HPGD: variants seen among roughly 807,000 people sequenced by gnomAD.
The protein encoded by HPGD is 15-hydroxyprostaglandin dehydrogenase [NAD(+)].
Under a neutral mutation model 30.0 loss-of-function variants are expected in HPGD, and 29 were observed. The ratio of observed to expected loss-of-function variants is 0.97; its 90% CI spans 0.72 to 1.32. The LOEUF is 1.32. HPGD is among the 40% of genes most tolerant of loss of function. HPGD has a pLI of 0.00. For missense variants in HPGD, 340 were observed against 322.1 expected (o/e 1.06, Z -0.43); for synonymous variants, 99 against 112.4 (o/e 0.88, Z 0.75).
In HPGD at chr4:174,492,346, A is replaced by T. The variant is rs1281068871; in HGVS notation, c.663-252T>A. Among the ~76,000 whole-genome samples the T allele has an allele frequency of 2.0e-5, 3 of 151,936 alleles. No homozygotes were observed. Among genetic ancestry groups the T allele is most frequent in the Non-Finnish European group, 2.9e-5 (2 of 67,858 alleles). On this transcript the variant is annotated intron_variant, in intron 6 of 6. Coordinates refer to ENST00000296522, the MANE Select transcript of HPGD (RefSeq NM_000860.6). The surrounding 1 kb of genome is among the most constrained non-coding windows in gnomAD (Gnocchi z 4.9). ...TAAATTATTTGATAAATTTAGCTGT[A>T]ACCTTCCATCATTTTGGCAGGAGGA...
At chr4:174,511,868 A>C (rs1459273910) in intron 3 of HPGD, among the ~76,000 whole-genome samples, 1 of 152,034 alleles carries the variant, frequency 6.6e-6, no homozygotes, top group Admixed American at 6.6e-5. Context: ...GGATGGTCTC[A>C]ATCTCCTGAC....
chr4:174,522,704 A>C (rs1399863893), upstream of HPGD: 2 of 433,330 alleles, frequency 4.6e-6, no homozygotes, highest in Non-Finnish European at 8.1e-6. Flanking sequence ...GCCTCCCCTC[A>C]GCCTCTGGCT....
intron 4 of HPGD, among the ~76,000 whole-genome samples, chr4:174,497,568 CTTTTTTTTTTTTTTTTTTTTTTTTTT>C (rs778825547): frequency 2.0e-5 from 1 of 51,116 alleles, no homozygotes; most frequent in African/African-American, 6.7e-5. Context: ...CTTTTTCTTT[CTTTTTTTTTTTTTTTTTTTTTTTTTT>C]TTGAGACAGA....
chr4:174,500,667 A>C (rs1734856436), intron 4 of HPGD, among the ~76,000 whole-genome samples: 1 of 152,254 alleles, frequency 6.6e-6, no homozygotes, highest in Admixed American at 6.5e-5. Flanking sequence ...GTATGATTCC[A>C]ACTATATGAC....
At chr4:174,510,423 G>C (rs1735427096) in intron 3 of HPGD, among the ~76,000 whole-genome samples, 1 of 152,218 alleles carries the variant, frequency 6.6e-6, no homozygotes, top group African/African-American at 2.4e-5. Context: ...TTCTGCAGAA[G>C]GCTTCAGCAT....
rs1734380163 is a variant in HPGD, at chr4:174,492,323, A to T, written c.663-229T>A. On this transcript the variant is annotated intron_variant, in intron 6 of 6. Transcript: ENST00000296522. This position sits in a 1 kb window ranked among gnomAD's most constrained non-coding sequence, Gnocchi z 4.9. ...ATTTCTTTCAATTGGATATTAACTA[A>T]ATTATTTGATAAATTTAGCTGTAAC... is the stretch of plus-strand genomic sequence containing the variant. Among the ~76,000 whole-genome samples the T allele has an allele frequency of 4.6e-5, 7 of 151,898 alleles. No homozygotes were observed. Among genetic ancestry groups the T allele is most frequent in the Admixed American group, 4.6e-4 (7 of 15,230 alleles).
chr4:174,509,859 C>A (rs2110838335), intron 3 of HPGD, among the ~76,000 whole-genome samples: 1 of 151,446 alleles, frequency 6.6e-6, no homozygotes, highest in East Asian at 1.9e-4. Context: ...GACTGTTTTG[C>A]CACTTATATC....
chr4:174,504,796 C>T (rs535049838), intron 4 of HPGD, among the ~76,000 whole-genome samples: 5 of 149,748 alleles, frequency 3.3e-5, no homozygotes, highest in Admixed American at 2.7e-4. Flanking sequence ...CTGGGTGACA[C>T]GAGTGAAACT....
chr4:174,493,148 T>A lies in HPGD; in HGVS notation c.662+3A>T, dbSNP rs558724748. The A allele has an allele frequency of 6.4e-7, 1 of 1,574,658 alleles. No individual in the cohort carries two copies. Among genetic ancestry groups the A allele is most frequent in the South Asian group, 1.1e-5 (1 of 89,130 alleles). On this transcript the variant is annotated splice_donor_region_variant and intron_variant, in intron 6 of 6. Transcript: ENST00000296522. ...AAAAGAAAATAGACATAGTTTTACT[T>A]ACTCCAAAATTCCATAGTATTTAAT...
In HPGD at chr4:174,521,806, CTG is replaced by C. The variant is rs1736139775; in HGVS notation, c.217+136_217+137del. 1.2e-5 allele frequency: 12 copies of C among 974,056 alleles called. 1 individual carries two copies. Among genetic ancestry groups the C allele is most frequent in the Non-Finnish European group, 2.0e-5 (12 of 612,960 alleles). The allele number at this position is 974,056 out of a possible 1,614,324, so 60.3% of individuals were successfully genotyped here. A position where few individuals can be genotyped will look rare whatever the true frequency, so the allele number is the denominator to read the frequency against. ...TCAGAAGGAAACGTATCAGTCCAAA[CTG>C]TCTTTTGGAGCTTCAAGGTAGCTGC... On this transcript the variant is annotated intron_variant, in intron 2 of 6. Transcript: ENST00000296522.
intron 4 of HPGD, among the ~76,000 whole-genome samples, chr4:174,499,873 T>C (rs1734820276): frequency 1.4e-5 from 2 of 146,024 alleles, no homozygotes; most frequent in South Asian, 4.4e-4. Context: ...TCTTTGCTTT[T>C]CTATGAACAC....
At chr4:174,495,522 A>T in intron 5 of HPGD, 26 bp downstream of exon 5, 1 of 1,520,252 alleles carries the variant, frequency 6.6e-7, no homozygotes, top group African/African-American at 1.4e-5. Flanking sequence ...AGAGAAAATG[A>T]GATATGACGG....
At chr4:174,498,223 C>G (rs980851414) in intron 4 of HPGD, among the ~76,000 whole-genome samples, 6 of 152,196 alleles carry the variant, frequency 3.9e-5, no homozygotes, top group Admixed American at 2.6e-4. Context: ...GCTGGGATTA[C>G]AGGCCTGAGC....
At position 174,490,649 on chromosome 4, in the gene HPGD, T is replaced by C. The variant is rs1319702647; in HGVS notation, c.*1307A>G. On this transcript the variant is annotated 3_prime_UTR_variant, in exon 7 of 7. Coordinates refer to ENST00000296522, the MANE Select transcript of HPGD (RefSeq NM_000860.6). The surrounding 1 kb of genome is among the most constrained non-coding windows in gnomAD (Gnocchi z 4.4). ...AGTTATTAATATTCAAATTACTCCT[T>C]AAAAGTGAAGGCAATTGTTTTCTAT... 1.3e-5 allele frequency: 2 copies of C among 152,342 alleles called. No homozygotes were observed. The highest frequency in any genetic ancestry group is 3.7e-4 in the East Asian group (2 of 5,342). 9.4% of individuals were successfully genotyped at this position (152,342 alleles called of 1,614,324 possible). A position where few individuals can be genotyped will look rare whatever the true frequency, so the allele number is the denominator to read the frequency against.
In HPGD at chr4:174,492,072, A is replaced by G; in HGVS notation, c.685T>C (p.Leu229=). 6.2e-7 allele frequency: 1 copy of G among 1,611,648 alleles called. No individual in the cohort carries two copies. The highest frequency in any genetic ancestry group is 8.5e-7 in the Non-Finnish European group (1 of 1,178,224). The change falls in exon 7 of 7, where the codon TTG becomes CTG. Residue 229 remains leucine, a synonymous_variant. Coordinates refer to ENST00000296522, the MANE Select transcript of HPGD (RefSeq NM_000860.6). This position sits in a 1 kb window ranked among gnomAD's most constrained non-coding sequence, Gnocchi z 4.9. ...GCATCATCTTCAATGAGTGTTATCA[A>G]TCCATTGGCAATCAATGGTGGGCTA... is the stretch of plus-strand genomic sequence containing the variant. ...ILDPPLIANG[L]ITLIEDDALN...
intron 3 of HPGD, among the ~76,000 whole-genome samples, chr4:174,516,086 T>C (rs1403777090): frequency 6.6e-6 from 1 of 152,130 alleles, no homozygotes; most frequent in African/African-American, 2.4e-5. Context: ...ATTTTGGAGC[T>C]TTTCTCGAAG....
intron 2 of HPGD, among the ~76,000 whole-genome samples, chr4:174,520,930 C>A (rs1736069948): frequency 6.6e-6 from 1 of 152,186 alleles, no homozygotes; most frequent in Non-Finnish European, 1.5e-5. Flanking sequence ...TTTACAATTT[C>A]TCTTAACTGT....
At chr4:174,507,922 G>A (rs536365387) in intron 4 of HPGD, 1 of 542,518 alleles carries the variant, frequency 1.8e-6, no homozygotes, top group South Asian at 2.8e-5. Flanking sequence ...TAGGCACACA[G>A]CTAGACTGCA....
chr4:174,512,446 T>C (rs949585755), intron 3 of HPGD, among the ~76,000 whole-genome samples: 1 of 152,204 alleles, frequency 6.6e-6, no homozygotes, highest in African/African-American at 2.4e-5. Flanking sequence ...TATGGTAAAG[T>C]CTTTTAAGAG....
Sources: gnomAD v4.1 joint callset for allele counts (sites outside exome capture counted in the v4.1 genomes callset) on GRCh38, gnomAD v4.1.1 for gene constraint, Gnocchi (gnomAD v3.1) non-coding constraint, MANE v1.5 for transcripts, NCBI Gene and HGNC (gene_info 2026-07-23, HGNC 2026-07-21) for gene names.